Variants in LIMCH1 observed in about 807,000 individuals in gnomAD.
The protein encoded by LIMCH1 is LIM and calponin homology domains 1, also known as LIM and calponin homology domains-containing protein 1.
LIMCH1 carries 113 observed loss-of-function variants against 176.5 expected under a neutral mutation model. That is an observed-to-expected ratio of 0.64 (90% CI 0.55 to 0.75). LIMCH1 has a LOEUF of 0.75. Ranked by LOEUF, LIMCH1 falls within the 30% of genes least tolerant of loss-of-function variation. LIMCH1 has a pLI of 0.00. For missense variants in LIMCH1, 1,674 were observed against 1,814.9 expected (o/e 0.92, Z 1.41); for synonymous variants, 619 against 645.9 (o/e 0.96, Z 0.63).
At chr4:41,692,477 C>A (rs996511074) in intron 31 of LIMCH1, 93 bp downstream of exon 31, 4 of 750,576 alleles carry the variant, frequency 5.3e-6, no homozygotes, top group South Asian at 5.0e-5. Context: ...TTTCCCCAGC[C>A]GTTGACACTC....
intron 1 of LIMCH1, among the ~76,000 whole-genome samples, chr4:41,465,740 T>G (rs1009049492): frequency 2.0e-5 from 3 of 152,218 alleles, no homozygotes; most frequent in Non-Finnish European, 4.4e-5. Context: ...GTAATAATTT[T>G]CTATACATGT....
chr4:41,640,981 C>CA (rs1438788353), intron 14 of LIMCH1, among the ~76,000 whole-genome samples: 1 of 152,220 alleles, frequency 6.6e-6, no homozygotes, highest in African/African-American at 2.4e-5. Context: ...ATACCTGGCC[C>CA]ACCAAAGGAG....
At chr4:41,369,942 G>A (rs1021571777) in intron 1 of LIMCH1, among the ~76,000 whole-genome samples, 18 of 140,980 alleles carry the variant, frequency 1.3e-4, no homozygotes, top group Non-Finnish European at 2.1e-4. Context: ...GAAGCAAAGT[G>A]TGTGTGTGTG....
intron 1 of LIMCH1, among the ~76,000 whole-genome samples, chr4:41,565,842 C>T (rs142209715): frequency 1.3e-5 from 2 of 152,214 alleles, no homozygotes; most frequent in East Asian, 3.9e-4. Flanking sequence ...AATTTGTGCC[C>T]CACACTCTGA....
intron 1 of LIMCH1, among the ~76,000 whole-genome samples, chr4:41,558,307 C>T (rs1380219003): frequency 6.6e-6 from 1 of 152,026 alleles, no homozygotes; most frequent in Non-Finnish European, 1.5e-5. Context: ...AGATGCCTGC[C>T]TTAGATCTTA....
intron 26 of LIMCH1, among the ~76,000 whole-genome samples, chr4:41,682,872 T>C (rs151194334): frequency 0.017 from 2,659 of 152,232 alleles, 36 homozygotes; most frequent in Non-Finnish European, 0.027. Context: ...AGATGGGGTT[T>C]CGTCATGTTG....
chr4:41,594,204 C>T (rs1318316182), intron 1 of LIMCH1, among the ~76,000 whole-genome samples: 1 of 152,158 alleles, frequency 6.6e-6, no homozygotes. Flanking sequence ...GATCTGGGGT[C>T]TAATCAAAGA....
At chr4:41,399,548 G>GGTAA (rs1178070604) in intron 1 of LIMCH1, among the ~76,000 whole-genome samples, 15 of 152,018 alleles carry the variant, frequency 9.9e-5, no homozygotes, top group African/African-American at 3.4e-4. Flanking sequence ...CAAGAGAAGA[G>GGTAA]GTAATATAAT....
At chr4:41,530,103 T>G (rs1414853844) in intron 3 of LIMCH1, among the ~76,000 whole-genome samples, 1 of 152,222 alleles carries the variant, frequency 6.6e-6, no homozygotes, top group Non-Finnish European at 1.5e-5. Context: ...AAAACTGACA[T>G]CAGAACAGTT....
At chr4:41,535,162 C>CAAAAAAAAAAA (rs61639965), upstream of LIMCH1, among the ~76,000 whole-genome samples, 46 of 83,938 alleles carry the variant, frequency 5.5e-4, no homozygotes, top group African/African-American at 6.7e-4. Flanking sequence ...GACCCTGTCA[C>CAAAAAAAAAAA]AAAAAAAAAA....
intron 1 of LIMCH1, among the ~76,000 whole-genome samples, chr4:41,478,326 A>G (rs939109312): frequency 1.3e-5 from 2 of 151,988 alleles, no homozygotes; most frequent in Admixed American, 6.5e-5. Flanking sequence ...TCCTCTTCTC[A>G]TTTTCCGTTG....
chr4:41,604,112 A>G (rs564151510), intron 3 of LIMCH1: 1 of 753,584 alleles, frequency 1.3e-6, no homozygotes, highest in African/African-American at 1.9e-5. Flanking sequence ...CTTTATTTAG[A>G]TAAGTGCTCA....
At chr4:41,494,676 G>T in intron 2 of LIMCH1, 1 of 964,426 alleles carries the variant, frequency 1.0e-6, no homozygotes, top group South Asian at 1.6e-5. Context: ...TTGGCTGTAA[G>T]ACTTCTAGTG....
chr4:41,645,151 G>T (rs2094005062), intron 15 of LIMCH1, among the ~76,000 whole-genome samples: 1 of 152,200 alleles, frequency 6.6e-6, no homozygotes, highest in Admixed American at 6.5e-5. Context: ...GGGGAGCCAG[G>T]ATTAGAACCA....
At chr4:41,458,305 T>TA (rs1309059772) in intron 1 of LIMCH1, among the ~76,000 whole-genome samples, 2 of 152,074 alleles carry the variant, frequency 1.3e-5, no homozygotes, top group African/African-American at 4.8e-5. Context: ...GAGTGACTTG[T>TA]AAAAAAACCA....
At chr4:41,675,459 G>A (rs965114571) in intron 22 of LIMCH1, among the ~76,000 whole-genome samples, 1 of 102,522 alleles carries the variant, frequency 9.8e-6, no homozygotes, top group Non-Finnish European at 1.9e-5. Flanking sequence ...TTCCCCACCC[G>A]TGCCTTGCTT....
At chr4:41,361,411 A>G (rs1391348214) in intron 1 of LIMCH1, among the ~76,000 whole-genome samples, 1 of 152,148 alleles carries the variant, frequency 6.6e-6, no homozygotes, top group African/African-American at 2.4e-5. Flanking sequence ...CAGAGTTGGC[A>G]GTGTCTTCAC....
chr4:41,527,404 G>A (rs547116469), intron 3 of LIMCH1, among the ~76,000 whole-genome samples: 2 of 152,334 alleles, frequency 1.3e-5, no homozygotes, highest in African/African-American at 4.8e-5. Context: ...GGGTCCAAAT[G>A]ATGTTAGATG....
At chr4:41,642,885 AT>A (rs1451721698) in intron 14 of LIMCH1, among the ~76,000 whole-genome samples, 1 of 151,588 alleles carries the variant, frequency 6.6e-6, no homozygotes, top group Non-Finnish European at 1.5e-5. Context: ...GGCCCAGCTT[AT>A]TTTTTCTAGA....
Sources: allele counts gnomAD v4.1 joint callset (sites outside exome capture counted in the v4.1 genomes callset), GRCh38; gene constraint gnomAD v4.1.1; transcripts MANE v1.5; gene names NCBI Gene and HGNC (gene_info 2026-07-23, HGNC 2026-07-21).